Variants in OC90 observed in about 807,000 individuals in gnomAD.
OC90 encodes the protein otoconin 90.
A neutral mutation model predicts 47.3 loss-of-function variants in OC90; 46 were observed. That is an observed-to-expected ratio of 0.97 (90% confidence interval 0.77 to 1.24). OC90 has a LOEUF of 1.24. Ranked by LOEUF, OC90 falls within the 50% of genes most tolerant of loss-of-function variation. The pLI is 0.00. For missense variants in OC90, 688 were observed against 583.9 expected (o/e 1.18, Z -1.84); for synonymous variants, 271 against 219.5 (o/e 1.23, Z -2.07).
intron 1 of OC90, 50 bp from the exon 2 acceptor site, chr8:132,055,123 T>C (rs1298915134): frequency 7.7e-6 from 8 of 1,045,186 alleles, no homozygotes; most frequent in African/African-American, 1.6e-5. Context: ...AGAATTCCCA[T>C]GAAAGAACCC....
intron 6 of OC90, among the ~76,000 whole-genome samples, chr8:132,039,965 T>C (rs1028706953): frequency 3.9e-5 from 6 of 152,216 alleles, no homozygotes; most frequent in African/African-American, 1.4e-4. Flanking sequence ...ACTATACAAT[T>C]TGTTTTGGAT....
At chr8:132,036,234 C>T in intron 9 of OC90, 1 of 631,124 alleles carries the variant, frequency 1.6e-6, no homozygotes, top group Non-Finnish European at 2.9e-6. Context: ...CCTACATATT[C>T]TGTAAAATGG....
chr8:132,024,577 G>T lies in OC90; in HGVS notation c.1338C>A (p.Ser446Arg). The change falls in exon 14 of 14, where the codon AGC becomes AGA. Residue 446 changes from serine (S) to arginine (R), a missense_variant. Ser to Arg is a moderately radical substitution (Grantham distance 110, BLOSUM62 -1). Coordinates refer to ENST00000254627, the MANE Select transcript of OC90 (RefSeq NM_001080399.3). The part of the protein sequence containing the change: ...PTLGSSSEED[S>R]EEDPPQEDLG... ...GGTCCTCCTGTGGAGGGTCCTCCTC[G>T]CTGTCCTCCTCAGAGCTGGAGCCCA... 6.2e-7 allele frequency: 1 copy of T among 1,613,204 alleles called. No homozygotes were observed. The highest frequency in any genetic ancestry group is 8.5e-7 in the Non-Finnish European group (1 of 1,179,482).
intron 10 of OC90, among the ~76,000 whole-genome samples, chr8:132,034,118 G>A (rs554833716): frequency 1.3e-5 from 2 of 152,176 alleles, no homozygotes; most frequent in South Asian, 4.1e-4. Flanking sequence ...TTTCTATCAT[G>A]TTCTCCACTG....
intron 1 of OC90, among the ~76,000 whole-genome samples, chr8:132,057,056 T>A (rs1342438544): frequency 6.6e-6 from 1 of 152,182 alleles, no homozygotes; most frequent in Non-Finnish European, 1.5e-5. Context: ...ACAGTACCTA[T>A]CTGTGAGGCT....
chr8:132,031,951 C>T lies in OC90; in HGVS notation c.961G>A (p.Glu321Lys), dbSNP rs748639157. Reference protein sequence around the residue: ...MLFCLTSRCPEEFESYGCYCG... With the variant: ...MLFCLTSRCPKEFESYGCYCG... ...TAACAGCCATAAGACTCAAATTCCT[C>T]CGGGCACCGGGATGTCAGACAAAAG... The change falls in exon 12 of 14, where the codon GAG becomes AAG. Residue 321 changes from glutamate to lysine, a missense_variant. Physicochemically the swap from Glu to Lys is moderately conservative, Grantham distance 56. Coordinates refer to ENST00000254627, the MANE Select transcript of OC90 (RefSeq NM_001080399.3). The T allele has an allele frequency of 1.2e-6, 2 of 1,613,930 alleles. No individual in the cohort carries two copies. The highest frequency in any genetic ancestry group is 1.7e-6 in the Non-Finnish European group (2 of 1,179,892).
intron 2 of OC90, among the ~76,000 whole-genome samples, chr8:132,049,409 C>A (rs1053896210): frequency 6.6e-6 from 1 of 152,162 alleles, no homozygotes; most frequent in Non-Finnish European, 1.5e-5. Context: ...GAGGATCTCA[C>A]GCAATTCAAA....
intron 2 of OC90, among the ~76,000 whole-genome samples, chr8:132,052,276 G>A (rs1257327732): frequency 1.3e-5 from 2 of 152,170 alleles, no homozygotes; most frequent in Non-Finnish European, 2.9e-5. Context: ...TTCCATTTGA[G>A]CCTTTGTCAC....
chr8:132,033,404 C>T (rs1822906628), intron 10 of OC90, among the ~76,000 whole-genome samples: 1 of 152,132 alleles, frequency 6.6e-6, no homozygotes, highest in African/African-American at 2.4e-5. Context: ...GATGACATCC[C>T]AGGGATGAGG....
intron 12 of OC90, among the ~76,000 whole-genome samples, chr8:132,031,386 C>G (rs937121083): frequency 2.0e-5 from 3 of 152,130 alleles, no homozygotes; most frequent in Non-Finnish European, 4.4e-5. Flanking sequence ...AAAATTCTTT[C>G]AAGAGTGGTA....
intron 8 of OC90, 41 bp from the exon 9 acceptor site, chr8:132,037,529 A>G: frequency 6.5e-7 from 1 of 1,536,378 alleles, no homozygotes; most frequent in Non-Finnish European, 8.8e-7. Flanking sequence ...CTCATGCAAC[A>G]CAGTGTCAAA....
At chr8:132,055,903 C>T (rs1823274268) in intron 1 of OC90, among the ~76,000 whole-genome samples, 2 of 151,888 alleles carry the variant, frequency 1.3e-5, no homozygotes, top group African/African-American at 4.8e-5. Flanking sequence ...AACAGGGGGA[C>T]GGGGTGGGAG....
intron 13 of OC90, among the ~76,000 whole-genome samples, chr8:132,028,550 GAAAGA>G (rs1822800362): frequency 5.6e-5 from 1 of 17,762 alleles, no homozygotes; most frequent in Non-Finnish European, 1.2e-4. Flanking sequence ...AAGAAAGAAA[GAAAGA>G]AAGAAAGAAA....
Position 132,041,708 on chromosome 8 carries a change from G to T in OC90, c.170-9C>A. The T allele has an allele frequency of 4.7e-6, 7 of 1,496,974 alleles. No individual in the cohort carries two copies. Among genetic ancestry groups the T allele is most frequent in the Non-Finnish European group, 6.5e-6 (7 of 1,079,862 alleles). 92.7% of individuals were successfully genotyped at this position (1,496,974 alleles called of 1,614,324 possible). On this transcript the variant is annotated splice_polypyrimidine_tract_variant and intron_variant, in intron 4 of 13. Coordinates refer to ENST00000254627, the MANE Select transcript of OC90 (RefSeq NM_001080399.3). ...GTGGGGGCCCAGGCAATCTGTGGGG[G>T]TGGGGGGCAGGGCCTGATAAGCACT...
At chr8:132,040,960 C>A in intron 6 of OC90, 84 bp downstream of exon 6, 1 of 831,080 alleles carries the variant, frequency 1.2e-6, no homozygotes, top group Non-Finnish European at 2.1e-6. Flanking sequence ...GAGAGGATCA[C>A]AATGCCCTCA....
intron 1 of OC90, among the ~76,000 whole-genome samples, chr8:132,059,049 T>TCTCC (rs1054617090): frequency 4.7e-5 from 7 of 150,298 alleles, no homozygotes; most frequent in Non-Finnish European, 1.0e-4. Flanking sequence ...TCTTTCCCTC[T>TCTCC]CTCCCTCCCT....
Position 132,051,239 on chromosome 8 carries a change from C to T in OC90, c.46+3742G>A, listed in dbSNP as rs1255537580. Among the ~76,000 whole-genome samples, 9 of 152,344 alleles carry T rather than the reference C, an allele frequency of 5.9e-5. No individual in the cohort carries two copies. The South Asian group carries it at 1.9e-3, about 32-fold the overall frequency. On this transcript the variant is annotated intron_variant, in intron 2 of 13. Transcript: ENST00000254627. ...AAGTACTCTCACTGTTATCCCTCTT[C>T]TGGCTATGCTGTTCACTGCAGCCCT...
Position 132,041,043 on chromosome 8 carries a change from C to A in OC90, c.457+1G>T. On this transcript the variant is annotated splice_donor_variant, in intron 6 of 13. Coordinates refer to ENST00000254627, the MANE Select transcript of OC90 (RefSeq NM_001080399.3). LOFTEE classifies it high-confidence loss of function. ...CCCCTGGGACACCTGGAGATGCTTA[C>A]CACATATGATCTTCTTGCTGACACA... is the stretch of plus-strand genomic sequence containing the variant. 1 of 1,556,562 alleles carries A rather than the reference C, an allele frequency of 6.4e-7. No homozygotes were observed.
chr8:132,049,519 G>A (rs1477972732), intron 2 of OC90, among the ~76,000 whole-genome samples: 1 of 152,202 alleles, frequency 6.6e-6, no homozygotes, highest in Non-Finnish European at 1.5e-5. Flanking sequence ...AAGGATATTA[G>A]GGAACAGGAA....
Sources: allele counts gnomAD v4.1 joint callset (sites outside exome capture counted in the v4.1 genomes callset), GRCh38; gene constraint gnomAD v4.1.1; transcripts MANE v1.5; gene names NCBI Gene and HGNC (gene_info 2026-07-23, HGNC 2026-07-21).